Variants in SPECC1 observed in about 807,000 individuals in gnomAD.
The protein encoded by SPECC1 is sperm antigen with calponin homology and coiled-coil domains 1, also known as cytospin-B.
Under a neutral mutation model 104.1 loss-of-function variants are expected in SPECC1, and 62 were observed. The observed-to-expected ratio is 0.60, with a 90% CI of 0.49 to 0.74. SPECC1 has a LOEUF of 0.74. Among genes scored for constraint, SPECC1 ranks in the 30% least tolerant of loss-of-function variants. The pLI is 0.00. For synonymous variants in SPECC1, 513 were observed against 501.6 expected (o/e 1.02, Z -0.30); for missense variants, 1,306 against 1,310.5 (o/e 1.00, Z 0.05).
At chr17:20,164,658 C>G (rs1207447398) in intron 3 of SPECC1, among the ~76,000 whole-genome samples, 2 of 152,172 alleles carry the variant, frequency 1.3e-5, no homozygotes, top group Non-Finnish European at 2.9e-5. Flanking sequence ...TGTTAGTTTT[C>G]TCAACCTTCA....
chr17:20,242,512 G>C (rs898960161), intron 7 of SPECC1, among the ~76,000 whole-genome samples: 1 of 152,166 alleles, frequency 6.6e-6, no homozygotes, highest in Non-Finnish European at 1.5e-5. Context: ...CTAGTATCTG[G>C]CCTGCAACTG....
At chr17:20,192,321 A>G (rs996429595) in intron 3 of SPECC1, among the ~76,000 whole-genome samples, 1 of 152,072 alleles carries the variant, frequency 6.6e-6, no homozygotes, top group African/African-American at 2.4e-5. Flanking sequence ...TATATTTTGG[A>G]TAACAGTCCT....
chr17:20,137,538 C>T (rs936518644), intron 3 of SPECC1, among the ~76,000 whole-genome samples: 4 of 152,242 alleles, frequency 2.6e-5, no homozygotes, highest in African/African-American at 9.6e-5. Flanking sequence ...GGAATTATGG[C>T]AAAACAAAAA....
In SPECC1 at chr17:20,276,473, A is replaced by G. The variant is rs945799076; in HGVS notation, c.2940+16179A>G. On this transcript the variant is annotated intron_variant, in intron 12 of 14. Coordinates refer to ENST00000395527, the MANE Select transcript of SPECC1 (RefSeq NM_001243439.2). ...GTTGTTTCAGGGTTATGTCTTATAA[A>G]TAGTTTGGCTTTACATGTAATCTGA... Among the ~76,000 whole-genome samples, 3 of 152,314 alleles carry G rather than the reference A, an allele frequency of 2.0e-5. No individual in the cohort carries two copies. In the East Asian group the frequency reaches 5.8e-4, roughly 29 times the overall value.
At chr17:20,094,060 G>A (rs1293341004) in intron 1 of SPECC1, among the ~76,000 whole-genome samples, 1 of 151,988 alleles carries the variant, frequency 6.6e-6, no homozygotes, top group Non-Finnish European at 1.5e-5. Flanking sequence ...AGAAGAAGAT[G>A]GGATTTGAGG....
rs1363719783 is a variant in SPECC1 at position 20,314,797 on chromosome 17, T to C, written c.*732T>C. The C allele has an allele frequency of 8.9e-5, 20 of 225,920 alleles. No homozygotes were observed. The highest frequency in any genetic ancestry group is 1.7e-4 in the Admixed American group (3 of 17,394). 14.0% of individuals were successfully genotyped at this position (225,920 alleles called of 1,614,324 possible). A position where few individuals can be genotyped will look rare whatever the true frequency, so the allele number is the denominator to read the frequency against. ...GCCTTTTGGGGAAAAATGGGAGTTC[T>C]AGGTAACAATGTTAACACCTGGAAC... On this transcript the variant is annotated 3_prime_UTR_variant, in exon 15 of 15. Transcript: ENST00000395527.
intron 3 of SPECC1, among the ~76,000 whole-genome samples, chr17:20,177,951 G>T (rs1416471516): frequency 6.6e-6 from 1 of 151,890 alleles, no homozygotes; most frequent in African/African-American, 2.4e-5. Context: ...CTCGTGATCC[G>T]CCTGCCTCGG....
In SPECC1 at chr17:20,203,132, AT is replaced by A. The variant is rs1361633779; in HGVS notation, c.284-1199del. Among the ~76,000 whole-genome samples the A allele has an allele frequency of 2.0e-5, 3 of 152,162 alleles. No individual in the cohort carries two copies. The East Asian group carries it at 5.8e-4, about 29-fold the overall frequency. On this transcript the variant is annotated intron_variant, in intron 3 of 14. Transcript: ENST00000395527. ...GGGGCTGCTGCCAGTCTATGGGAAC[AT>A]TCCCTCCCGTGCCCTTCCTACACTG...
chr17:20,059,867 A>G (rs2046118460), intron 1 of SPECC1, among the ~76,000 whole-genome samples: 1 of 152,176 alleles, frequency 6.6e-6, no homozygotes, highest in African/African-American at 2.4e-5. Context: ...GTCTCTAAAA[A>G]CAAAACAAAA....
At chr17:20,112,264 T>G in intron 3 of SPECC1, 1 of 762,056 alleles carries the variant, frequency 1.3e-6, no homozygotes, top group South Asian at 1.3e-5. Flanking sequence ...TTTGAACCCA[T>G]TTTGAACTAC....
intron 3 of SPECC1, among the ~76,000 whole-genome samples, chr17:20,116,747 G>A (rs1274326637): frequency 6.6e-6 from 1 of 150,840 alleles, no homozygotes; most frequent in African/African-American, 2.4e-5. Context: ...GTTCTCAATG[G>A]GGGACGATTT....
At chr17:20,086,137 C>G (rs2047168035) in intron 1 of SPECC1, among the ~76,000 whole-genome samples, 1 of 152,188 alleles carries the variant, frequency 6.6e-6, no homozygotes, top group Non-Finnish European at 1.5e-5. Flanking sequence ...CCACTGCTGC[C>G]TCCGCCACCC....
intron 14 of SPECC1, 63 bp downstream of exon 14, chr17:20,306,145 C>G (rs1380567266): frequency 1.0e-5 from 15 of 1,493,010 alleles, no homozygotes; most frequent in African/African-American, 1.4e-5. Context: ...TTTATGCCAT[C>G]TGATAAACAG....
intron 5 of SPECC1, 133 bp from the exon 6 acceptor site, chr17:20,231,625 C>G (rs1460749390): frequency 1.7e-5 from 13 of 745,528 alleles, no homozygotes; most frequent in East Asian, 5.0e-5. Flanking sequence ...CTAAAAGTTG[C>G]ATTTAGAGTA....
chr17:20,110,007 T>TA (rs1231537970), intron 2 of SPECC1, among the ~76,000 whole-genome samples: 1 of 151,216 alleles, frequency 6.6e-6, no homozygotes, highest in Non-Finnish European at 1.5e-5. Flanking sequence ...CCCAGCTAAT[T>TA]AAAAAAAAAT....
rs189154858 is a variant in SPECC1 at position 20,035,263 on chromosome 17, T to C, written c.-22+25839T>C. On this transcript the variant is annotated intron_variant, in intron 1 of 14. Transcript: ENST00000395527. Reference sequence around the variant, plus strand: ...TTTTTCAAATTTGTTTTAGCTACTCTAGTTCCTTTGCATATTTCCGTATAC... The same window carrying C: ...TTTTTCAAATTTGTTTTAGCTACTCCAGTTCCTTTGCATATTTCCGTATAC... Among the ~76,000 whole-genome samples the C allele has an allele frequency of 2.0e-3, 303 of 152,356 alleles. 1 individual carries two copies. The highest frequency in any genetic ancestry group is 6.6e-3 in the African/African-American group (276 of 41,584).
chr17:20,230,684 C>G (rs1226185528), intron 5 of SPECC1, among the ~76,000 whole-genome samples: 1 of 152,126 alleles, frequency 6.6e-6, no homozygotes, highest in African/African-American at 2.4e-5. Flanking sequence ...GACAACAATG[C>G]AAGCCATCTT....
At chr17:20,215,835 T>C (rs980069609) in intron 4 of SPECC1, among the ~76,000 whole-genome samples, 7 of 152,236 alleles carry the variant, frequency 4.6e-5, no homozygotes, top group Admixed American at 1.3e-4. Flanking sequence ...TCTATTCTTA[T>C]GGCTGCTTTG....
intron 3 of SPECC1, among the ~76,000 whole-genome samples, chr17:20,184,318 T>C (rs2035118018): frequency 6.6e-6 from 1 of 152,164 alleles, no homozygotes. Context: ...GTTTACACCT[T>C]TATGTCATAG....
Sources: allele counts gnomAD v4.1 joint callset (sites outside exome capture counted in the v4.1 genomes callset), GRCh38; gene constraint gnomAD v4.1.1; transcripts MANE v1.5; gene names NCBI Gene and HGNC (gene_info 2026-07-23, HGNC 2026-07-21).